CCDC7: variants seen among roughly 807,000 people sequenced by gnomAD.
The protein encoded by CCDC7 is coiled-coil domain-containing protein 7.
A neutral mutation model predicts 196.9 loss-of-function variants in CCDC7; 183 were observed. The observed-to-expected ratio is 0.93, with a 90% CI of 0.82 to 1.05. The LOEUF (loss-of-function observed/expected upper bound fraction) is 1.05, where lower values mean the gene tolerates loss of function less well. CCDC7 is among the 50% of genes least tolerant of loss of function. The pLI is 0.00. For synonymous variants in CCDC7, 525 were observed against 484.6 expected, an observed-to-expected ratio of 1.08 and a Z score of -1.10; for missense variants, 1,540 against 1,482.2, an observed-to-expected ratio of 1.04 and a Z score of -0.64.
At chr10:32,680,149 A>G (rs1267578023) in intron 21 of CCDC7, among the ~76,000 whole-genome samples, 2 of 152,230 alleles carry the variant, frequency 1.3e-5, no homozygotes, top group Non-Finnish European at 2.9e-5. Flanking sequence ...TCAGCAAAGA[A>G]GGCAGTTGTT....
chr10:32,462,729 G>A, intron 4 of CCDC7, 26 bp downstream of exon 5: 1 of 1,457,604 alleles, frequency 6.9e-7, no homozygotes, highest in South Asian at 1.3e-5. Context: ...TACAGCTTAA[G>A]CCTACTAAAA....
At chr10:32,484,298 G>T (rs1392690294) in intron 8 of CCDC7, among the ~76,000 whole-genome samples, 1 of 149,918 alleles carries the variant, frequency 6.7e-6, no homozygotes, top group Non-Finnish European at 1.5e-5. Context: ...CTCCCTGTTT[G>T]TCTGTTATTG....
intron 28 of CCDC7, among the ~76,000 whole-genome samples, chr10:32,749,913 G>T (rs560818734): frequency 3.9e-5 from 6 of 152,228 alleles, no homozygotes; most frequent in African/African-American, 1.4e-4. Context: ...AAAATCTTCA[G>T]TGTATCTCTC....
rs114930032 is a variant in CCDC7 at position 32,789,277 on chromosome 10, G to C, written c.3013+10193G>C. ...CTACATAAATGGAGATTTATAAACT[G>C]TCTGACAGAAAGTTCAAAATAATCT... On this transcript the variant is annotated intron_variant, in intron 29 of 41. Transcript: ENST00000639629. Among the ~76,000 whole-genome samples, 296 of 152,154 alleles carry C rather than the reference G, an allele frequency of 1.9e-3. 3 individuals carry two copies. The highest frequency in any genetic ancestry group is 6.8e-3 in the African/African-American group (283 of 41,508).
intron 4 of CCDC7, 73 bp from the exon 6 acceptor site, chr10:32,462,944 T>C (rs553589872): frequency 6.3e-7 from 1 of 1,587,776 alleles, no homozygotes; most frequent in African/African-American, 1.4e-5. Context: ...CACATTTATA[T>C]AGATATTTAT....
chr10:32,637,428 A>T (rs1424376424), intron 20 of CCDC7, among the ~76,000 whole-genome samples: 1 of 152,358 alleles, frequency 6.6e-6, no homozygotes, highest in East Asian at 1.9e-4. Flanking sequence ...GAAGGGATCC[A>T]GTTTCAGCTT....
At chr10:32,823,449 C>T (rs1245566354) in intron 31 of CCDC7, among the ~76,000 whole-genome samples, 1 of 152,068 alleles carries the variant, frequency 6.6e-6, no homozygotes, top group Admixed American at 6.6e-5. Flanking sequence ...CAATATAATG[C>T]ATTTTTACAA....
intron 20 of CCDC7, among the ~76,000 whole-genome samples, chr10:32,656,638 C>T (rs777013614): frequency 4.6e-5 from 7 of 152,192 alleles, no homozygotes; most frequent in Non-Finnish European, 7.3e-5. Context: ...CACTGGGTCC[C>T]TCCCATGTCA....
intron 8 of CCDC7, among the ~76,000 whole-genome samples, chr10:32,489,736 C>G (rs2041858813): frequency 6.6e-6 from 1 of 152,100 alleles, no homozygotes; most frequent in African/African-American, 2.4e-5. Flanking sequence ...GCAGAGTGAG[C>G]ATGGCTCTAG....
At chr10:32,499,784 G>A (rs2043593980) in intron 9 of CCDC7, among the ~76,000 whole-genome samples, 1 of 152,070 alleles carries the variant, frequency 6.6e-6, no homozygotes, top group African/African-American at 2.4e-5. Flanking sequence ...GGGTACTTGA[G>A]ATTAGGGAGT....
At chr10:32,698,886 C>T (rs1008277034) in intron 24 of CCDC7, among the ~76,000 whole-genome samples, 2 of 151,998 alleles carry the variant, frequency 1.3e-5, no homozygotes, top group Admixed American at 1.3e-4. Flanking sequence ...AAGAGCATCT[C>T]CAAGACACAT....
At chr10:32,672,537 A>T (rs1234439569) in intron 21 of CCDC7, among the ~76,000 whole-genome samples, 1 of 152,152 alleles carries the variant, frequency 6.6e-6, no homozygotes, top group African/African-American at 2.4e-5. Flanking sequence ...GTAGTGGCTT[A>T]ACAGTGCTGA....
intron 23 of CCDC7, among the ~76,000 whole-genome samples, chr10:32,693,446 G>A (rs1397336039): frequency 6.6e-6 from 1 of 151,514 alleles, no homozygotes; most frequent in Admixed American, 6.6e-5. Context: ...TGGCATTCAA[G>A]TTTTCCCCTT....
chr10:32,640,864 C>CTTTTTTTTTTTTTTTTTTTT (rs753769301), intron 20 of CCDC7, among the ~76,000 whole-genome samples: 30 of 74,540 alleles, frequency 4.0e-4, no homozygotes, highest in East Asian at 8.5e-4. Flanking sequence ...TGTAGATTTT[C>CTTTTTTTTTTTTTTTTTTTT]TTTTTTTTTT....
At chr10:32,703,403 T>TC (rs1170122788) in intron 24 of CCDC7, among the ~76,000 whole-genome samples, 2 of 152,086 alleles carry the variant, frequency 1.3e-5, no homozygotes, top group Non-Finnish European at 2.9e-5. Context: ...CTGATGGGCT[T>TC]CCCTTTGTGG....
intron 21 of CCDC7, among the ~76,000 whole-genome samples, chr10:32,677,024 A>C (rs1216380427): frequency 6.6e-6 from 1 of 151,456 alleles, no homozygotes; most frequent in East Asian, 1.9e-4. Flanking sequence ...ACCATGGAAT[A>C]CTATGCAGCC....
At chr10:32,827,200 G>T (rs1173791749) in intron 32 of CCDC7, among the ~76,000 whole-genome samples, 2 of 152,206 alleles carry the variant, frequency 1.3e-5, no homozygotes, top group African/African-American at 4.8e-5. Context: ...TGGCAGGGAT[G>T]GAGGTTATAC....
At chr10:32,612,872 TTTTC>T (rs2062333383) in intron 18 of CCDC7, among the ~76,000 whole-genome samples, 1 of 145,598 alleles carries the variant, frequency 6.9e-6, no homozygotes. Context: ...TGGCCTGAAA[TTTTC>T]TTTGTTTTTT....
intron 24 of CCDC7, among the ~76,000 whole-genome samples, chr10:32,710,113 G>C (rs1363878122): frequency 6.6e-6 from 1 of 152,128 alleles, no homozygotes; most frequent in Non-Finnish European, 1.5e-5. Flanking sequence ...AACCTATTCT[G>C]TCATGACACT....
Sources: gnomAD v4.1 joint callset for allele counts (sites outside exome capture counted in the v4.1 genomes callset) on GRCh38, gnomAD v4.1.1 for gene constraint, MANE v1.5 for transcripts, NCBI Gene and HGNC (gene_info 2026-07-23, HGNC 2026-07-21) for gene names.